Variants in NTM observed in about 807,000 individuals in gnomAD.
NTM encodes neurotrimin, also known as IgLON family member 2.
In NTM, 13 loss-of-function variants were observed where a neutral mutation model predicts 42.1. The observed-to-expected ratio is 0.31, with a 90% CI of 0.20 to 0.49. The LOEUF is 0.49. Ranked by LOEUF, NTM falls within the 20% of genes least tolerant of loss-of-function variation. The probability of loss-of-function intolerance (pLI) is 0.99; values close to 1 mark genes in which losing one functional copy is unlikely to be tolerated. For missense variants in NTM, 373 were observed against 452.8 expected, an observed-to-expected ratio of 0.82 and a Z score of 1.60; for synonymous variants, 187 against 179.2, an observed-to-expected ratio of 1.04 and a Z score of -0.35.
chr11:131,934,630 C>A (rs2059013194), intron 2 of NTM, among the ~76,000 whole-genome samples: 1 of 152,150 alleles, frequency 6.6e-6, no homozygotes, highest in Non-Finnish European at 1.5e-5. Context: ...GGGGAAAGTG[C>A]TGTGACGGAG....
At chr11:132,056,088 T>G (rs2079608917) in intron 2 of NTM, among the ~76,000 whole-genome samples, 1 of 152,360 alleles carries the variant, frequency 6.6e-6, no homozygotes, top group South Asian at 2.1e-4. Flanking sequence ...AATTGAGGAA[T>G]AATTCATTTT....
At chr11:131,812,974 G>A (rs550611722) in intron 1 of NTM, among the ~76,000 whole-genome samples, 9 of 152,176 alleles carry the variant, frequency 5.9e-5, no homozygotes, top group Admixed American at 1.3e-4. Flanking sequence ...CTATTGCACC[G>A]TAAGGCATCC....
At chr11:131,406,826 C>G (rs1009369272) in intron 1 of NTM, among the ~76,000 whole-genome samples, 1 of 152,166 alleles carries the variant, frequency 6.6e-6, no homozygotes, top group Non-Finnish European at 1.5e-5. Flanking sequence ...TGGATAAAAG[C>G]TCTTTCCCTC....
At chr11:132,115,586 C>T (rs1296172155) in intron 2 of NTM, among the ~76,000 whole-genome samples, 2 of 152,142 alleles carry the variant, frequency 1.3e-5, no homozygotes, top group African/African-American at 4.8e-5. Flanking sequence ...GGAGATGACT[C>T]TGTGGGAGGA....
At chr11:131,539,821 G>A (rs2052917729) in intron 1 of NTM, among the ~76,000 whole-genome samples, 3 of 152,166 alleles carry the variant, frequency 2.0e-5, no homozygotes. Flanking sequence ...AACTCTATCT[G>A]AGCTACTAGG....
intron 3 of NTM, among the ~76,000 whole-genome samples, chr11:132,178,587 G>T (rs1047517335): frequency 2.6e-5 from 4 of 151,960 alleles, no homozygotes; most frequent in Non-Finnish European, 5.9e-5. Flanking sequence ...TTGATAGACA[G>T]CCTTTTCAAA....
chr11:132,135,501 T>C (rs1024108656), intron 2 of NTM, among the ~76,000 whole-genome samples: 1 of 152,016 alleles, frequency 6.6e-6, no homozygotes, highest in Admixed American at 6.6e-5. Flanking sequence ...AGGCAGAAGG[T>C]GTAAGGGAAG....
chr11:131,485,070 T>C (rs1232759530), intron 1 of NTM, among the ~76,000 whole-genome samples: 1 of 152,208 alleles, frequency 6.6e-6, no homozygotes, highest in African/African-American at 2.4e-5. Context: ...GCATAGAGTC[T>C]GTAGTATTCA....
chr11:132,320,903 C>G (rs1315739374), intron 7 of NTM, among the ~76,000 whole-genome samples: 4 of 151,726 alleles, frequency 2.6e-5, no homozygotes, highest in East Asian at 1.9e-4. Context: ...GAGGCACCCC[C>G]CAGCAGGGCC....
At chr11:131,413,134 T>G (rs2135768327) in intron 1 of NTM, among the ~76,000 whole-genome samples, 1 of 152,328 alleles carries the variant, frequency 6.6e-6, no homozygotes, top group Admixed American at 6.5e-5. Context: ...TAACGGCTGT[T>G]CTTTCAAAGG....
intron 1 of NTM, among the ~76,000 whole-genome samples, chr11:131,571,170 G>A (rs2057406164): frequency 6.6e-6 from 1 of 152,244 alleles, no homozygotes; most frequent in African/African-American, 2.4e-5. Context: ...CAGACAAGGA[G>A]GTGCTCAGGA....
At chr11:132,183,130 A>T (rs1020065292) in intron 3 of NTM, among the ~76,000 whole-genome samples, 2 of 152,160 alleles carry the variant, frequency 1.3e-5, no homozygotes, top group African/African-American at 4.8e-5. Flanking sequence ...TAATGTTCCT[A>T]TCTTACCCAC....
rs567837141 is a variant in NTM, at chr11:131,426,196, A to C, written c.82+55308A>C. Among the ~76,000 whole-genome samples the C allele has an allele frequency of 3.3e-5, 5 of 152,306 alleles. No homozygotes were observed. The South Asian group carries it at 1.0e-3, about 32-fold the overall frequency. The stretch of plus-strand genomic sequence containing the variant: ...CTTCTCAACCTTGCTGAAGACTCCT[A>C]GTGGCCATAATCTGGGTGTCAGGAT... On this transcript the variant is annotated intron_variant, in intron 1 of 8. Coordinates refer to ENST00000683400, the MANE Select transcript of NTM (RefSeq NM_001352005.2).
chr11:131,875,171 T>C (rs1365303746), intron 1 of NTM, among the ~76,000 whole-genome samples: 1 of 152,234 alleles, frequency 6.6e-6, no homozygotes, highest in African/African-American at 2.4e-5. Flanking sequence ...TTAAAATGTT[T>C]CCCCTCACTG....
At chr11:132,168,337 T>A (rs1263704473) in intron 3 of NTM, among the ~76,000 whole-genome samples, 2 of 152,208 alleles carry the variant, frequency 1.3e-5, no homozygotes, top group Non-Finnish European at 2.9e-5. Flanking sequence ...ATCAGGACAA[T>A]CCTGGGTTGC....
intron 2 of NTM, among the ~76,000 whole-genome samples, chr11:131,942,386 G>A (rs565732469): frequency 1.3e-5 from 2 of 152,264 alleles, no homozygotes; most frequent in South Asian, 4.1e-4. Context: ...TTACTTTGAT[G>A]CAAGTGGGCA....
intron 2 of NTM, among the ~76,000 whole-genome samples, chr11:131,923,574 T>C (rs1025426902): frequency 3.3e-5 from 5 of 152,130 alleles, no homozygotes; most frequent in African/African-American, 1.2e-4. Context: ...TCTACACATG[T>C]GGAATCTAAA....
chr11:132,309,897 A>C (rs1170084308), intron 5 of NTM, among the ~76,000 whole-genome samples: 2 of 152,104 alleles, frequency 1.3e-5, no homozygotes, highest in African/African-American at 4.8e-5. Flanking sequence ...CGCTGCTAAA[A>C]ATACAAAAAT....
intron 1 of NTM, among the ~76,000 whole-genome samples, chr11:131,580,360 G>A (rs763591174): frequency 1.6e-4 from 24 of 152,148 alleles, no homozygotes; most frequent in Non-Finnish European, 1.9e-4. Context: ...GCTGAGTTGT[G>A]ATTACACATC....
Sources: allele counts gnomAD v4.1 joint callset (sites outside exome capture counted in the v4.1 genomes callset), GRCh38; gene constraint gnomAD v4.1.1; transcripts MANE v1.5; gene names NCBI Gene and HGNC (gene_info 2026-07-23, HGNC 2026-07-21).